The following AGBL4 variants were observed in gnomAD, a reference collection of about 807,000 sequenced individuals.
AGBL4 encodes the protein AGBL carboxypeptidase 4.
In AGBL4, 58 loss-of-function variants were observed where a neutral mutation model predicts 66.4. The ratio of observed to expected loss-of-function variants is 0.87; its 90% confidence interval spans 0.71 to 1.09. The LOEUF is 1.09. AGBL4 is among the 50% of genes least tolerant of loss of function. The pLI is 0.00. For synonymous variants in AGBL4, 234 were observed against 222.9 expected (o/e 1.05, Z -0.44); for missense variants, 579 against 631.0 (o/e 0.92, Z 0.88).
chr1:49,725,741 G>C (rs758846529), intron 2 of AGBL4, among the ~76,000 whole-genome samples: 1 of 142,610 alleles, frequency 7.0e-6, no homozygotes, highest in Non-Finnish European at 1.5e-5. Context: ...CTGGAGTGCA[G>C]AGGCGCGATC....
intron 1 of AGBL4, among the ~76,000 whole-genome samples, chr1:49,983,944 T>C (rs1323014394): frequency 6.6e-6 from 1 of 152,170 alleles, no homozygotes; most frequent in East Asian, 1.9e-4. Context: ...CAATGTGGCT[T>C]GTTATACTCT....
intron 3 of AGBL4, among the ~76,000 whole-genome samples, chr1:49,631,314 C>A (rs918473726): frequency 1.3e-5 from 2 of 152,174 alleles, no homozygotes; most frequent in African/African-American, 2.4e-5. Flanking sequence ...GGAGAATGGA[C>A]CTCTTTGTAA....
At position 49,244,759 on chromosome 1, in the gene AGBL4, A is replaced by G. The variant is rs182221147; in HGVS notation, c.377+1011T>C. On this transcript the variant is annotated intron_variant, in intron 4 of 13. Coordinates refer to ENST00000371839, the MANE Select transcript of AGBL4 (RefSeq NM_032785.4). ...ATTTATTGAGCACTTAGTAAGTGCC[A>G]GGCAAAACTTTACATGTAAATTCTC... Among the ~76,000 whole-genome samples the G allele has an allele frequency of 2.6e-4, 40 of 151,962 alleles. 1 individual carries two copies. The East Asian group carries it at 7.7e-3, about 29-fold the overall frequency.
chr1:49,464,116 T>C (rs752508793), intron 3 of AGBL4, among the ~76,000 whole-genome samples: 1 of 151,648 alleles, frequency 6.6e-6, no homozygotes, highest in Admixed American at 6.6e-5. Context: ...CCTGAGTACA[T>C]AACAGAGGGA....
chr1:49,784,897 T>C (rs568060121), intron 2 of AGBL4, among the ~76,000 whole-genome samples: 1 of 152,048 alleles, frequency 6.6e-6, no homozygotes, highest in South Asian at 2.1e-4. Flanking sequence ...AATGAGATAC[T>C]TCTTCACACC....
At chr1:49,697,070 C>A (rs1646999524) in intron 3 of AGBL4, among the ~76,000 whole-genome samples, 1 of 152,126 alleles carries the variant, frequency 6.6e-6, no homozygotes, top group Non-Finnish European at 1.5e-5. Context: ...CATGCTAATG[C>A]TTCAATCAGT....
chr1:49,729,050 G>A (rs1018544096), intron 2 of AGBL4, among the ~76,000 whole-genome samples: 13 of 152,210 alleles, frequency 8.5e-5, no homozygotes, highest in African/African-American at 3.1e-4. Flanking sequence ...CATGAACCGG[G>A]GAGGGCAGAG....
chr1:48,972,115 C>T (rs1242375150), intron 5 of AGBL4, among the ~76,000 whole-genome samples: 1 of 152,118 alleles, frequency 6.6e-6, no homozygotes, highest in Non-Finnish European at 1.5e-5. Context: ...AATAAACAGT[C>T]TATAAGCACC....
chr1:49,422,913 C>T (rs1241484758), intron 3 of AGBL4: 1 of 152,162 alleles, frequency 6.6e-6, no homozygotes, highest in African/African-American at 2.4e-5. Flanking sequence ...AACTCAAATT[C>T]CTTTTAATCT....
intron 5 of AGBL4, among the ~76,000 whole-genome samples, chr1:49,030,165 C>A (rs763457242): frequency 6.6e-6 from 1 of 152,072 alleles, no homozygotes; most frequent in Non-Finnish European, 1.5e-5. Flanking sequence ...ATGCTGAAAT[C>A]CTAATCCCCA....
At position 48,616,486 on chromosome 1, in the gene AGBL4, G is replaced by T. The variant is rs142647312; in HGVS notation, c.951+18007C>A. Among the ~76,000 whole-genome samples the T allele has an allele frequency of 2.1e-3, 326 of 152,290 alleles. No homozygotes were observed. The East Asian group carries it at 0.023, about 11-fold the overall frequency. On this transcript the variant is annotated intron_variant, in intron 9 of 13. Coordinates refer to ENST00000371839, the MANE Select transcript of AGBL4 (RefSeq NM_032785.4). ...CAATTCTCTATAGCTAGCTGGAGAT[G>T]AAGCACAGCGCACTGCAAGCCACCC...
At chr1:49,733,100 A>G (rs1649582987) in intron 2 of AGBL4, among the ~76,000 whole-genome samples, 1 of 152,236 alleles carries the variant, frequency 6.6e-6, no homozygotes, top group South Asian at 2.1e-4. Context: ...CTTTCATCAG[A>G]GCCAAAGGAG....
intron 1 of AGBL4, among the ~76,000 whole-genome samples, chr1:50,011,914 C>G (rs894360140): frequency 6.6e-6 from 1 of 152,024 alleles, no homozygotes; most frequent in Non-Finnish European, 1.5e-5. Flanking sequence ...AATCCCAGCA[C>G]TTTGGGAGGC....
At chr1:49,359,235 T>C (rs1039936285) in intron 3 of AGBL4, among the ~76,000 whole-genome samples, 12 of 152,256 alleles carry the variant, frequency 7.9e-5, no homozygotes, top group Admixed American at 2.0e-4. Context: ...GAATAGGATT[T>C]AGTAGAAAGC....
At chr1:49,095,440 C>G (rs1249428114) in intron 4 of AGBL4, among the ~76,000 whole-genome samples, 1 of 152,198 alleles carries the variant, frequency 6.6e-6, no homozygotes, top group Non-Finnish European at 1.5e-5. Flanking sequence ...AACTATACTA[C>G]AAGGCTACAG....
rs1571926472 is a variant in AGBL4 at position 49,945,057 on chromosome 1, T to C, written c.34+78706A>G. Among the ~76,000 whole-genome samples, 3 of 151,928 alleles carry C rather than the reference T, an allele frequency of 2.0e-5. No individual in the cohort carries two copies. The South Asian group carries it at 6.2e-4, about 32-fold the overall frequency. ...AAATATGAACAAAGCCTCCAAGAAG[T>C]CTGGGTTTATGTTAAATGACCAAAC... On this transcript the variant is annotated intron_variant, in intron 1 of 13. Transcript: ENST00000371839.
At chr1:49,038,792 G>T (rs1177606165) in intron 5 of AGBL4, among the ~76,000 whole-genome samples, 2 of 152,054 alleles carry the variant, frequency 1.3e-5, no homozygotes, top group Non-Finnish European at 2.9e-5. Context: ...ACAGTTTGGT[G>T]ATTTCTTACA....
intron 1 of AGBL4, among the ~76,000 whole-genome samples, chr1:49,917,493 T>G (rs1431380805): frequency 6.6e-6 from 1 of 152,072 alleles, no homozygotes; most frequent in Admixed American, 6.6e-5. Context: ...AAGAAGGCCA[T>G]TACATAATGG....
In AGBL4 at chr1:49,981,860, T is replaced by C. The variant is rs140531247; in HGVS notation, c.34+41903A>G. 1.2e-4 allele frequency among the ~76,000 whole-genome samples: 18 copies of C among 152,358 alleles called. No individual in the cohort carries two copies. In the East Asian group the frequency reaches 3.5e-3, roughly 29 times the overall value. ...TTTGGCTCTTTTATCTATTTTGTAA[T>C]CTTTACCAGAAGGATTTTCTTCCTC... is the stretch of plus-strand genomic sequence containing the variant. On this transcript the variant is annotated intron_variant, in intron 1 of 13. Transcript: ENST00000371839.
Sources: allele counts gnomAD v4.1 joint callset (sites outside exome capture counted in the v4.1 genomes callset), GRCh38; gene constraint gnomAD v4.1.1; transcripts MANE v1.5; gene names NCBI Gene and HGNC (gene_info 2026-07-23, HGNC 2026-07-21).